PRKN: variants seen among roughly 807,000 people sequenced by gnomAD.
The protein encoded by PRKN is parkin RBR E3 ubiquitin protein ligase.
A neutral mutation model predicts 59.5 loss-of-function variants in PRKN; 56 were observed. The ratio of observed to expected loss-of-function variants is 0.94; its 90% CI spans 0.76 to 1.18. The LOEUF (loss-of-function observed/expected upper bound fraction) is 1.18. Ranked by LOEUF, PRKN falls within the 50% of genes most tolerant of loss-of-function variation. The pLI is 0.00. For synonymous variants in PRKN, 250 were observed against 222.1 expected (o/e 1.13, Z -1.12); for missense variants, 657 against 596.4 (o/e 1.10, Z -1.06).
At chr6:161,643,897 T>C (rs959824760) in intron 7 of PRKN, among the ~76,000 whole-genome samples, 1 of 152,206 alleles carries the variant, frequency 6.6e-6, no homozygotes, top group Non-Finnish European at 1.5e-5. Flanking sequence ...TTTATTTCAT[T>C]AGCATTGATT....
At chr6:162,075,355 G>A (rs1778777552) in intron 4 of PRKN, among the ~76,000 whole-genome samples, 1 of 151,238 alleles carries the variant, frequency 6.6e-6, no homozygotes, top group Non-Finnish European at 1.5e-5. Flanking sequence ...CATCATCATA[G>A]AAATATTATT....
In PRKN at chr6:161,376,644, A is replaced by C. The variant is rs1785714732; in HGVS notation, c.1167+10150T>G. On this transcript the variant is annotated intron_variant, in intron 10 of 11. Coordinates refer to ENST00000366898, the MANE Select transcript of PRKN (RefSeq NM_004562.3). This position sits in a 1 kb window ranked among gnomAD's most constrained non-coding sequence, Gnocchi z 7.3. ...CTTGGGACTGAGGTCACACCGTCAC[A>C]TCACGGCGATAGGGCAGCTCACGCC... Among the ~76,000 whole-genome samples the C allele has an allele frequency of 6.6e-6, 1 of 152,162 alleles. No homozygotes were observed. The highest frequency in any genetic ancestry group is 1.5e-5 in the Non-Finnish European group (1 of 68,030).
intron 2 of PRKN, among the ~76,000 whole-genome samples, chr6:162,359,079 A>T (rs5000312): frequency 0.43 from 35,075 of 81,430 alleles, 8,083 homozygotes; most frequent in African/African-American, 0.51. Flanking sequence ...AAAAAAAAAA[A>T]ATATATATAT....
At chr6:162,066,390 A>G (rs1290963318) in intron 4 of PRKN, among the ~76,000 whole-genome samples, 1 of 152,194 alleles carries the variant, frequency 6.6e-6, no homozygotes, top group Non-Finnish European at 1.5e-5. Flanking sequence ...GCTAACATAT[A>G]TGTTCATTAG....
At chr6:162,586,056 A>T (rs534904441) in intron 1 of PRKN, among the ~76,000 whole-genome samples, 1 of 152,304 alleles carries the variant, frequency 6.6e-6, no homozygotes, top group Non-Finnish European at 1.5e-5. Context: ...CCAATATTAC[A>T]AAAGCAAAAG....
chr6:162,475,689 G>A (rs569540486), intron 1 of PRKN, among the ~76,000 whole-genome samples: 17 of 146,484 alleles, frequency 1.2e-4, no homozygotes, highest in South Asian at 4.4e-4. Flanking sequence ...TCATGCCTCC[G>A]GAAGTACAAA....
At chr6:162,641,362 T>C (rs937881195) in intron 1 of PRKN, among the ~76,000 whole-genome samples, 1 of 152,090 alleles carries the variant, frequency 6.6e-6, no homozygotes, top group African/African-American at 2.4e-5. Flanking sequence ...ATTTTTTTTT[T>C]CTAAATTTGC....
At chr6:162,256,496 A>G (rs1226788345) in intron 3 of PRKN, among the ~76,000 whole-genome samples, 1 of 152,176 alleles carries the variant, frequency 6.6e-6, no homozygotes, top group Non-Finnish European at 1.5e-5. Flanking sequence ...GGAATCCAGC[A>G]GCCTGCCTGC....
At chr6:161,452,048 C>T (rs1325322818) in intron 9 of PRKN, among the ~76,000 whole-genome samples, 2 of 151,822 alleles carry the variant, frequency 1.3e-5, no homozygotes, top group Non-Finnish European at 2.9e-5. Flanking sequence ...CTCCCCCTCC[C>T]GGGTTCAAGC....
chr6:161,856,617 T>C (rs1793666688), intron 6 of PRKN, among the ~76,000 whole-genome samples: 1 of 152,170 alleles, frequency 6.6e-6, no homozygotes. Flanking sequence ...TCTACAAATG[T>C]GTATTCCCTT....
intron 2 of PRKN, among the ~76,000 whole-genome samples, chr6:162,290,839 A>G (rs906152576): frequency 3.8e-4 from 58 of 152,194 alleles, no homozygotes; most frequent in African/African-American, 1.4e-3. Context: ...CTTGGCAAAG[A>G]CATTGACAAC....
At chr6:161,704,262 T>G (rs1195529685) in intron 7 of PRKN, among the ~76,000 whole-genome samples, 2 of 152,116 alleles carry the variant, frequency 1.3e-5, no homozygotes, top group African/African-American at 4.8e-5. Context: ...GAAGGCAGTC[T>G]CAGGTTGTAT....
chr6:162,409,485 C>A (rs1788244509), intron 2 of PRKN, among the ~76,000 whole-genome samples: 1 of 152,044 alleles, frequency 6.6e-6, no homozygotes, highest in Non-Finnish European at 1.5e-5. Flanking sequence ...GCACACCCCA[C>A]CCTCACCCCA....
intron 5 of PRKN, among the ~76,000 whole-genome samples, chr6:162,052,089 A>G (rs1236936189): frequency 6.6e-6 from 1 of 152,190 alleles, no homozygotes; most frequent in Non-Finnish European, 1.5e-5. Context: ...GAATGACTGT[A>G]TTATCAAACT....
intron 7 of PRKN, among the ~76,000 whole-genome samples, chr6:161,621,344 C>T (rs1782889949): frequency 6.6e-6 from 1 of 151,996 alleles, no homozygotes. Context: ...AATCCCAAAA[C>T]CTTGGAACCA....
rs550369006 is a variant in PRKN at position 161,354,744 on chromosome 6, C to T, written c.1286-4533G>A. Among the ~76,000 whole-genome samples, 6 of 152,278 alleles carry T rather than the reference C, an allele frequency of 3.9e-5. No individual in the cohort carries two copies. Among genetic ancestry groups the T allele is most frequent in the Admixed American group, 2.6e-4 (4 of 15,298 alleles). ...TTGGTCATAGAGGCTATGTCGGTTT[C>T]GGTTACAGTGATGCACTTTTAAACA... On this transcript the variant is annotated intron_variant, in intron 11 of 11. Coordinates refer to ENST00000366898, the MANE Select transcript of PRKN (RefSeq NM_004562.3). This position sits in a 1 kb window ranked among gnomAD's most constrained non-coding sequence, Gnocchi z 6.7.
chr6:161,574,381 A>C (rs79675636), intron 7 of PRKN, among the ~76,000 whole-genome samples: 9,502 of 152,094 alleles, frequency 0.062, 422 homozygotes, highest in African/African-American at 0.13. Context: ...AGCAATAGAG[A>C]CCATGTCCGA....
chr6:162,036,460 A>C (rs1261376933), intron 5 of PRKN, among the ~76,000 whole-genome samples: 1 of 151,402 alleles, frequency 6.6e-6, no homozygotes, highest in Non-Finnish European at 1.5e-5. Flanking sequence ...GCTCACTGCA[A>C]CCTCTGCCTC....
chr6:162,292,484 C>G (rs1176192549), intron 2 of PRKN, among the ~76,000 whole-genome samples: 1 of 152,046 alleles, frequency 6.6e-6, no homozygotes, highest in South Asian at 2.1e-4. Context: ...AAAAAAAATC[C>G]CAGGCAAACA....
Sources: gnomAD v4.1 joint callset for allele counts (sites outside exome capture counted in the v4.1 genomes callset) on GRCh38, gnomAD v4.1.1 for gene constraint, Gnocchi (gnomAD v3.1) non-coding constraint, MANE v1.5 for transcripts, NCBI Gene and HGNC (gene_info 2026-07-23, HGNC 2026-07-21) for gene names.